PIAS1: variants seen among roughly 807,000 people sequenced by gnomAD.
PIAS1 encodes the protein protein inhibitor of activated STAT 1.
In PIAS1, 6 loss-of-function variants were observed where a neutral mutation model predicts 71.3. The observed-to-expected ratio is 0.08, with a 90% confidence interval of 0.05 to 0.17. The LOEUF is 0.17. Among genes scored for constraint, PIAS1 ranks in the 10% least tolerant of loss-of-function variants. The pLI is 1.00. For missense variants in PIAS1, 555 were observed against 793.6 expected, an observed-to-expected ratio of 0.70 and a Z score of 3.61; for synonymous variants, 303 against 292.9, an observed-to-expected ratio of 1.03 and a Z score of -0.35.
At chr15:68,152,478 TC>T (rs2092854699) in intron 6 of PIAS1, among the ~76,000 whole-genome samples, 1 of 152,158 alleles carries the variant, frequency 6.6e-6, no homozygotes, top group Non-Finnish European at 1.5e-5. Context: ...TCCCACCCTT[TC>T]CCTTTGGTTT....
intron 13 of PIAS1, chr15:68,183,942 C>T (rs1034309847): frequency 4.4e-6 from 1 of 227,808 alleles, no homozygotes; most frequent in Non-Finnish European, 8.5e-6. Context: ...TAATAAACAA[C>T]TCTGTTACTG....
chr15:68,150,906 T>G (rs1281458430), intron 6 of PIAS1, among the ~76,000 whole-genome samples: 1 of 152,096 alleles, frequency 6.6e-6, no homozygotes, highest in Non-Finnish European at 1.5e-5. Context: ...ATACTTATAG[T>G]CCCAAGCATT....
chr15:68,087,958 A>G (rs1472446302), intron 2 of PIAS1: 1 of 287,440 alleles, frequency 3.5e-6, no homozygotes, highest in Non-Finnish European at 7.1e-6. Flanking sequence ...TTGAGAATCT[A>G]CTGTATGCTT....
intron 2 of PIAS1, among the ~76,000 whole-genome samples, chr15:68,127,171 G>A (rs1012289875): frequency 2.0e-5 from 3 of 151,864 alleles, no homozygotes; most frequent in East Asian, 3.9e-4. Context: ...TGATCTGCCC[G>A]CCTTGACCTC....
intron 8 of PIAS1, among the ~76,000 whole-genome samples, chr15:68,165,367 C>T (rs926535822): frequency 7.9e-5 from 12 of 152,122 alleles, no homozygotes; most frequent in Admixed American, 1.3e-4. Context: ...GTGATCCACC[C>T]GCCTTGGACT....
chr15:68,088,353 C>G (rs1321388942), intron 2 of PIAS1, among the ~76,000 whole-genome samples: 1 of 151,496 alleles, frequency 6.6e-6, no homozygotes, highest in Non-Finnish European at 1.5e-5. Context: ...CTATACTTCC[C>G]CTGGTAGCAG....
intron 12 of PIAS1, among the ~76,000 whole-genome samples, chr15:68,183,283 TGAG>T (rs1054738720): frequency 3.3e-5 from 5 of 152,208 alleles, no homozygotes; most frequent in Non-Finnish European, 7.3e-5. Flanking sequence ...GAAGTGCTTG[TGAG>T]GAGTAACTTA....
intron 12 of PIAS1, among the ~76,000 whole-genome samples, chr15:68,182,700 G>C (rs552863893): frequency 3.8e-4 from 58 of 152,278 alleles, no homozygotes; most frequent in African/African-American, 1.2e-3. Flanking sequence ...GATTACAGGC[G>C]TGAGCCACTA....
chr15:68,175,393 T>G (rs1375435086), intron 9 of PIAS1, among the ~76,000 whole-genome samples: 1 of 152,236 alleles, frequency 6.6e-6, no homozygotes, highest in Non-Finnish European at 1.5e-5. Flanking sequence ...CAGAATTTTA[T>G]TTTTGAAATG....
chr15:68,155,031 G>C (rs894282281), intron 7 of PIAS1, among the ~76,000 whole-genome samples: 1 of 152,020 alleles, frequency 6.6e-6, no homozygotes, highest in Non-Finnish European at 1.5e-5. Flanking sequence ...TATGGAAGAG[G>C]GAATACCAAG....
At chr15:68,155,090 CAAT>C (rs2092877911) in intron 7 of PIAS1, among the ~76,000 whole-genome samples, 1 of 152,110 alleles carries the variant, frequency 6.6e-6, no homozygotes, top group Admixed American at 6.5e-5. Context: ...GCAACAACAA[CAAT>C]AAGGCCAACT....
chr15:68,097,548 T>C (rs1016785078), intron 2 of PIAS1, among the ~76,000 whole-genome samples: 4 of 152,184 alleles, frequency 2.6e-5, no homozygotes, highest in Non-Finnish European at 5.9e-5. Flanking sequence ...TTCTTCTGCC[T>C]CAGCCTCCCA....
intron 1 of PIAS1, among the ~76,000 whole-genome samples, chr15:68,067,796 C>G (rs1041887460): frequency 6.6e-5 from 10 of 152,198 alleles, no homozygotes; most frequent in Middle Eastern, 3.4e-3. Context: ...AAACAAACAT[C>G]AAGCCTAATA....
intron 1 of PIAS1, chr15:68,061,421 C>T (rs1488484471): frequency 6.6e-6 from 1 of 152,198 alleles, no homozygotes; most frequent in Non-Finnish European, 1.5e-5. Flanking sequence ...AAAGAAAATT[C>T]CCTAGAACCC....
intron 1 of PIAS1, among the ~76,000 whole-genome samples, chr15:68,058,062 G>A (rs1203035276): frequency 6.6e-6 from 1 of 152,212 alleles, no homozygotes; most frequent in Non-Finnish European, 1.5e-5. Flanking sequence ...TTTGAGTTTA[G>A]TGTAATTTGT....
At chr15:68,137,996 A>G (rs895861303) in intron 2 of PIAS1, among the ~76,000 whole-genome samples, 1 of 152,054 alleles carries the variant, frequency 6.6e-6, no homozygotes, top group South Asian at 2.1e-4. Flanking sequence ...AAAATAAAAA[A>G]AATTAGTCGG....
intron 6 of PIAS1, 102 bp from the exon 7 acceptor site, chr15:68,153,487 GT>G (rs1272974439): frequency 1.6e-5 from 10 of 612,424 alleles, no homozygotes; most frequent in Non-Finnish European, 2.9e-5. Context: ...CACAGTAGGT[GT>G]TTTAAGAAGT....
chr15:68,175,897 T>C (rs139851280), intron 10 of PIAS1, 130 bp downstream of exon 10: 32 of 518,176 alleles, frequency 6.2e-5, no homozygotes, highest in Admixed American at 6.0e-4. Context: ...TATTAACTTA[T>C]TGATTAAATG....
intron 7 of PIAS1, among the ~76,000 whole-genome samples, chr15:68,156,727 AAGAGAGAGAGAG>A (rs56927626): frequency 3.5e-5 from 5 of 143,826 alleles, no homozygotes; most frequent in African/African-American, 1.0e-4. Context: ...AAAAAAAAAA[AAGAGAGAGAGAG>A]AGAGAGCGCC....
Sources: gnomAD v4.1 joint callset for allele counts (sites outside exome capture counted in the v4.1 genomes callset) on GRCh38, gnomAD v4.1.1 for gene constraint, MANE v1.5 for transcripts, NCBI Gene and HGNC (gene_info 2026-07-23, HGNC 2026-07-21) for gene names.